The following PGBD2 variants were observed in gnomAD, a reference collection of about 807,000 sequenced individuals.
The protein encoded by PGBD2 is piggyBac transposable element-derived protein 2.
In PGBD2, 6 loss-of-function variants were observed where a neutral mutation model predicts 8.1. The observed-to-expected ratio is 0.74, with a 90% CI of 0.40 to 1.46. PGBD2 has a LOEUF of 1.46. PGBD2 is among the 40% of genes most tolerant of loss of function. The pLI, the probability that PGBD2 is intolerant of heterozygous loss-of-function variation, is 0.02. For missense variants in PGBD2, 802 were observed against 739.0 expected (o/e 1.09, Z -0.99); for synonymous variants, 318 against 272.2 (o/e 1.17, Z -1.66).
At chr1:248,897,072 C>T in the PGBD2 span, among the ~76,000 whole-genome samples, 5 of 152,096 alleles carry the variant, frequency 3.3e-5, no homozygotes, top group East Asian at 1.9e-4. Context: ...ATCTGCTAGC[C>T]GTGGTAAAGA....
downstream of PGBD2, among the ~76,000 whole-genome samples, chr1:248,922,322 G>T (rs1288003849): frequency 6.6e-6 from 1 of 152,138 alleles, no homozygotes; most frequent in Non-Finnish European, 1.5e-5. Flanking sequence ...GCCTCCCAAA[G>T]TGCTGGGATT....
At chr1:248,879,911 C>T in the PGBD2 span, among the ~76,000 whole-genome samples, 1 of 151,990 alleles carries the variant, frequency 6.6e-6, no homozygotes, top group African/African-American at 2.4e-5. Context: ...TTTTGATTTT[C>T]TGATACTGAG....
chr1:248,927,124 T>C, the PGBD2 span, among the ~76,000 whole-genome samples: 21 of 151,976 alleles, frequency 1.4e-4, no homozygotes, highest in African/African-American at 5.1e-4. Context: ...GCAGAAGGAG[T>C]ATGTCGCCCA....
the PGBD2 span, among the ~76,000 whole-genome samples, chr1:248,883,584 C>CTTTTTTTTTTTTTTT: frequency 1.2e-4 from 11 of 89,162 alleles, no homozygotes; most frequent in East Asian, 6.4e-4. Flanking sequence ...TTTTTTTTTT[C>CTTTTTTTTTTTTTTT]TTTTTTTTTT....
the PGBD2 span, among the ~76,000 whole-genome samples, chr1:248,881,632 T>G: frequency 6.6e-6 from 1 of 152,242 alleles, no homozygotes; most frequent in Admixed American, 6.5e-5. Context: ...GCATTTTAGT[T>G]GAGACTTTAT....
chr1:248,908,260 G>A (rs1661730781), intron 1 of PGBD2, among the ~76,000 whole-genome samples: 1 of 152,162 alleles, frequency 6.6e-6, no homozygotes, highest in South Asian at 2.1e-4. Context: ...AGAGTGGCCT[G>A]GGGAGCTCCA....
the PGBD2 span, among the ~76,000 whole-genome samples, chr1:248,900,550 T>C: frequency 2.0e-5 from 3 of 152,188 alleles, no homozygotes; most frequent in African/African-American, 7.2e-5. Flanking sequence ...ACATCCTTCA[T>C]GTTAAAAACT....
chr1:248,917,537 C>A lies in PGBD2; in HGVS notation c.953C>A (p.Thr318Asn). 1 of 1,614,172 alleles carries A rather than the reference C, an allele frequency of 6.2e-7. No individual in the cohort carries two copies. Reference sequence around the variant, plus strand: ...GAGCCCTCACAGGGCACACTGTTTACCAAGCCAGACAGGAGCTTGGATCTA... The same window carrying A: ...GAGCCCTCACAGGGCACACTGTTTAACAAGCCAGACAGGAGCTTGGATCTA... Reference protein sequence around the residue: ...WFEPSQGTLFTKPDRSLDLGG... With the variant: ...WFEPSQGTLFNKPDRSLDLGG... Residue 318 changes from threonine to asparagine, a missense_variant, in exon 3 of 3, where the codon ACC becomes AAC. Coordinates refer to ENST00000329291, the MANE Select transcript of PGBD2 (RefSeq NM_170725.3).
At chr1:248,906,654 G>A (rs34152012) in intron 1 of PGBD2, among the ~76,000 whole-genome samples, 1 of 140,340 alleles carries the variant, frequency 7.1e-6, no homozygotes, top group African/African-American at 2.7e-5. Flanking sequence ...AGGGACCAGG[G>A]CAGGCTCGGG....
chr1:248,919,473 C>G (rs1250059634), downstream of PGBD2: 4 of 166,902 alleles, frequency 2.4e-5, no homozygotes, highest in Admixed American at 2.6e-4. Context: ...TGTACATTTT[C>G]TTTATCCATT....
the PGBD2 span, among the ~76,000 whole-genome samples, chr1:248,926,214 TGA>T: frequency 6.6e-6 from 1 of 152,160 alleles, no homozygotes; most frequent in East Asian, 1.9e-4. Flanking sequence ...GGTCATCACT[TGA>T]TGCCACTCAC....
downstream of PGBD2, among the ~76,000 whole-genome samples, chr1:248,920,580 T>G (rs1662263727): frequency 6.6e-6 from 1 of 152,210 alleles, no homozygotes; most frequent in Admixed American, 6.5e-5. Flanking sequence ...TCTTTGCTAT[T>G]GTGAATAGTG....
the PGBD2 span, among the ~76,000 whole-genome samples, chr1:248,929,695 G>A: frequency 1.3e-5 from 2 of 152,176 alleles, no homozygotes; most frequent in Admixed American, 6.5e-5. Flanking sequence ...ACCTGTGGAG[G>A]GAATTATAAG....
At chr1:248,894,077 C>G in the PGBD2 span, among the ~76,000 whole-genome samples, 325 of 152,116 alleles carry the variant, frequency 2.1e-3, no homozygotes, top group African/African-American at 7.6e-3. Flanking sequence ...GTACTCAGGT[C>G]CTTTGCTCAT....
At chr1:248,875,347 A>G in the PGBD2 span, among the ~76,000 whole-genome samples, 1 of 151,582 alleles carries the variant, frequency 6.6e-6, no homozygotes, top group Non-Finnish European at 1.5e-5. Flanking sequence ...AAAAAGAAAG[A>G]AAGTTGAGAT....
chr1:248,877,343 T>C, the PGBD2 span, among the ~76,000 whole-genome samples: 5 of 152,214 alleles, frequency 3.3e-5, no homozygotes, highest in Admixed American at 2.0e-4. Context: ...GTGGTTTGTA[T>C]ATATTGTAGC....
At chr1:248,909,905 G>T (rs1402440694) in intron 1 of PGBD2, among the ~76,000 whole-genome samples, 1 of 152,242 alleles carries the variant, frequency 6.6e-6, no homozygotes, top group African/African-American at 2.4e-5. Context: ...GGACCAGGCT[G>T]TGAATGGCTT....
downstream of PGBD2, among the ~76,000 whole-genome samples, chr1:248,920,627 A>T (rs928990400): frequency 1.3e-5 from 2 of 152,222 alleles, no homozygotes; most frequent in Non-Finnish European, 2.9e-5. Context: ...TCTTTGTAGT[A>T]GAATGATTTA....
the PGBD2 span, among the ~76,000 whole-genome samples, chr1:248,892,451 TAA>T: frequency 1.4e-5 from 2 of 145,886 alleles, no homozygotes; most frequent in African/African-American, 2.5e-5. Flanking sequence ...GCAGTTAATC[TAA>T]AAAAAAAAAA....
Sources: gnomAD v4.1 joint callset for allele counts (sites outside exome capture counted in the v4.1 genomes callset) on GRCh38, gnomAD v4.1.1 for gene constraint, MANE v1.5 for transcripts, NCBI Gene and HGNC (gene_info 2026-07-23, HGNC 2026-07-21) for gene names.